Variants in LBX2 observed in about 807,000 individuals in gnomAD.
The protein encoded by LBX2 is ladybird homeobox 2.
Under a neutral mutation model 7.5 loss-of-function variants are expected in LBX2, and 6 were observed. That is an observed-to-expected ratio of 0.80 (90% CI 0.44 to 1.59). The LOEUF is 1.59. LBX2 is among the 40% of genes most tolerant of loss of function. The pLI is 0.01. For synonymous variants in LBX2, 143 were observed against 133.2 expected (o/e 1.07, Z -0.51); for missense variants, 281 against 282.0 (o/e 1.00, Z 0.03).
At chr2:74,502,453 G>A (rs1674504462), upstream of LBX2, 1 of 587,114 alleles carries the variant, frequency 1.7e-6, no homozygotes, top group Admixed American at 3.1e-5. This position sits in a 1 kb window ranked among gnomAD's most constrained non-coding sequence, Gnocchi z 5.4. Context: ...AGGTGGACAA[G>A]GACAATCTCA....
chr2:74,498,019 C>G lies in LBX2; in HGVS notation c.505G>C (p.Glu169Gln), dbSNP rs905548989. Residue 169 changes from glutamate (E) to glutamine (Q), a missense_variant, in exon 2 of 2, where the codon GAA (glutamate) becomes CAA (glutamine). Glu to Gln is a conservative substitution (Grantham distance 29). Transcript: ENST00000377566. Reference protein sequence around the residue: ...PEVLCSLALPEGAPDPGLCLG... With the variant: ...PEVLCSLALPQGAPDPGLCLG... ...CAGAGGCCGGGATCTGGAGCGCCTT[C>G]GGGCAGTGCTAAGCTGCACAGGACT... The G allele has an allele frequency of 2.0e-5, 33 of 1,612,398 alleles. No individual in the cohort carries two copies. Among genetic ancestry groups the G allele is most frequent in the African/African-American group, 2.7e-5 (2 of 74,934 alleles).
Position 74,498,143 on chromosome 2 carries a change from C to G in LBX2, c.381G>C (p.Ala127=). ...GGTTCTGGAACCAAGTGACCACCTG[C>G]GCGTTGGCCAGGCCGAGTCGCGTAG... The part of the protein sequence containing the change: ...GLATRLGLAN[A]QVVTWFQNRR... The change falls in exon 2 of 2, where the codon GCG becomes GCC. Residue 127 remains alanine (A), a synonymous_variant. Coordinates refer to ENST00000377566, the MANE Select transcript of LBX2 (RefSeq NM_001282430.2). 1.2e-6 allele frequency: 2 copies of G among 1,611,840 alleles called. No homozygotes were observed. The highest frequency in any genetic ancestry group is 8.5e-7 in the Non-Finnish European group (1 of 1,178,770).
Position 74,497,707 on chromosome 2 carries a change from G to A in LBX2, c.*220C>T. ...CAGGAGGTCGCGACTGCAGTGAGCG[G>A]TGATCGCTCCACGGCACTCCAGCCT... On this transcript the variant is annotated 3_prime_UTR_variant, in exon 2 of 2. Transcript: ENST00000377566. 5.9e-6 allele frequency: 3 copies of A among 510,860 alleles called. No homozygotes were observed. Among genetic ancestry groups the A allele is most frequent in the Non-Finnish European group, 1.0e-5 (3 of 299,320 alleles). 31.6% of individuals were successfully genotyped at this position (510,860 alleles called of 1,614,324 possible).
upstream of LBX2, chr2:74,502,587 C>A: frequency 7.0e-7 from 1 of 1,436,360 alleles, no homozygotes; most frequent in Non-Finnish European, 9.7e-7. The surrounding 1 kb of genome is among the most constrained non-coding windows in gnomAD (Gnocchi z 5.4). Flanking sequence ...TCCGTCCGTC[C>A]CGCACACTTC....
chr2:74,498,468 A>T (rs968974261), intron 1 of LBX2, 150 bp from the exon 2 acceptor site: 31 of 678,482 alleles, frequency 4.6e-5, no homozygotes, highest in Admixed American at 1.3e-4. Context: ...GTGATCCCTT[A>T]TCGGGAGTCA....
At chr2:74,499,644 C>G (rs957793826), upstream of LBX2, 2 of 1,241,914 alleles carry the variant, frequency 1.6e-6, no homozygotes, top group Admixed American at 2.5e-5. This position sits in a 1 kb window ranked among gnomAD's most constrained non-coding sequence, Gnocchi z 4.6. Flanking sequence ...GGACCCGCCC[C>G]CGGCTCTGGG....
rs1674381538 is a variant in LBX2, at chr2:74,497,691, G to C, written c.*236C>G. ...GAGGATCGCTTGAGCCCAGGAGGTC[G>C]CGACTGCAGTGAGCGGTGATCGCTC... On this transcript the variant is annotated 3_prime_UTR_variant, in exon 2 of 2. Coordinates refer to ENST00000377566, the MANE Select transcript of LBX2 (RefSeq NM_001282430.2). The C allele has an allele frequency of 2.3e-6, 1 of 426,796 alleles. No individual in the cohort carries two copies. Among genetic ancestry groups the C allele is most frequent in the Non-Finnish European group, 4.1e-6 (1 of 244,890 alleles). The allele number at this position is 426,796 out of a possible 1,614,324, so 26.4% of individuals were successfully genotyped here.
Position 74,499,236 on chromosome 2 carries a change from G to C in LBX2, c.205+97C>G, listed in dbSNP as rs1674432232. On this transcript the variant is annotated intron_variant, in intron 1 of 1. Coordinates refer to ENST00000377566, the MANE Select transcript of LBX2 (RefSeq NM_001282430.2). The surrounding 1 kb of genome is among the most constrained non-coding windows in gnomAD (Gnocchi z 4.6). ...TGAGGACAGGGGAGGATTAGGGTGG[G>C]TGGCCTGGGCTGGGACAAAGGTTTG... is the stretch of plus-strand genomic sequence containing the variant. 3.6e-6 allele frequency: 4 copies of C among 1,105,504 alleles called. No individual in the cohort carries two copies. The highest frequency in any genetic ancestry group is 2.6e-5 in the East Asian group (1 of 38,668). 68.5% of individuals were successfully genotyped at this position (1,105,504 alleles called of 1,614,324 possible).
chr2:74,498,658 T>G, intron 1 of LBX2: 1 of 338,710 alleles, frequency 3.0e-6, no homozygotes, highest in Non-Finnish European at 5.4e-6. Flanking sequence ...CTGAGCAGGC[T>G]ATAAGTTGAG....
rs746128937 is a variant in LBX2 at position 74,498,056 on chromosome 2, C to G, written c.468G>C (p.Ala156=). 1 of 1,613,570 alleles carries G rather than the reference C, an allele frequency of 6.2e-7. No homozygotes were observed. Among genetic ancestry groups the G allele is most frequent in the African/African-American group, 1.3e-5 (1 of 75,072 alleles). The change falls in exon 2 of 2, where the codon GCG becomes GCC. Residue 156 remains alanine (A), a synonymous_variant. Transcript: ENST00000377566. ...AGCTGCACAGGACTTCCGGGGACAA[C>G]GCGCGTAGCGAGGCGACGTCGGCGC... is the stretch of plus-strand genomic sequence containing the variant. ...EMRADVASLR[A]LSPEVLCSLA...
At chr2:74,503,125 G>C, upstream of LBX2, 3 of 429,646 alleles carry the variant, frequency 7.0e-6, no homozygotes, top group Non-Finnish European at 1.2e-5. This position sits in a 1 kb window ranked among gnomAD's most constrained non-coding sequence, Gnocchi z 5.1. Flanking sequence ...GGAGCGCCGC[G>C]CCGCGTCCGG....
Position 74,499,261 on chromosome 2 carries a change from G to C in LBX2, c.205+72C>G. On this transcript the variant is annotated intron_variant, in intron 1 of 1. Transcript: ENST00000377566. The surrounding 1 kb of genome is among the most constrained non-coding windows in gnomAD (Gnocchi z 4.6). ...GTGGCCTGGGCTGGGACAAAGGTTTGAGACGGGGAACCAGGAGGAGAGAGG... is the reference window on the plus strand; with the variant it reads ...GTGGCCTGGGCTGGGACAAAGGTTTCAGACGGGGAACCAGGAGGAGAGAGG... The C allele has an allele frequency of 7.3e-7, 1 of 1,373,938 alleles. No homozygotes were observed. Among genetic ancestry groups the C allele is most frequent in the Non-Finnish European group, 1.0e-6 (1 of 989,998 alleles). 85.1% of individuals were successfully genotyped at this position (1,373,938 alleles called of 1,614,324 possible). A position where few individuals can be genotyped will look rare whatever the true frequency, so the allele number is the denominator to read the frequency against.
Position 74,497,932 on chromosome 2 carries a change from C to G in LBX2, c.592G>C (p.Asp198His), listed in dbSNP as rs1298169710. ...HLSDEEIQVD[D>H] ...GATTGGCGGCGGCTTTGTCTTCAAT[C>G]GTCCACCTGTATCTCCTCGTCTGAC... The change falls in exon 2 of 2, where the codon GAT (aspartate) becomes CAT (histidine). Residue 198 changes from aspartate (D) to histidine (H), a missense_variant. Transcript: ENST00000377566. 3 of 1,559,954 alleles carry G rather than the reference C, an allele frequency of 1.9e-6. No individual in the cohort carries two copies. Among genetic ancestry groups the G allele is most frequent in the Admixed American group, 3.8e-5 (2 of 52,170 alleles).
chr2:74,498,075 T>C lies in LBX2; in HGVS notation c.449A>G (p.Asp150Gly). 1 of 1,613,424 alleles carries C rather than the reference T, an allele frequency of 6.2e-7. No individual in the cohort carries two copies. Among genetic ancestry groups the C allele is most frequent in the Non-Finnish European group, 8.5e-7 (1 of 1,179,796 alleles). The change falls in exon 2 of 2, where the codon GAC becomes GGC. Residue 150 changes from aspartate (D) to glycine (G), a missense_variant. Asp to Gly is a moderately conservative substitution (Grantham distance 94). Coordinates refer to ENST00000377566, the MANE Select transcript of LBX2 (RefSeq NM_001282430.2). ...GGACAACGCGCGTAGCGAGGCGACG[T>C]CGGCGCGCATCTCCTCCACATCGCG... ...LKRDVEEMRA[D>G]VASLRALSPE...
upstream of LBX2, among the ~76,000 whole-genome samples, chr2:74,499,997 T>C (rs1219121620): frequency 1.3e-5 from 2 of 152,210 alleles, no homozygotes; most frequent in Non-Finnish European, 2.9e-5. The surrounding 1 kb of genome is among the most constrained non-coding windows in gnomAD (Gnocchi z 4.6). Context: ...CTATCAGGGC[T>C]GACTGTGCTG....
upstream of LBX2, chr2:74,499,619 CG>C: frequency 6.3e-6 from 9 of 1,429,426 alleles, no homozygotes; most frequent in South Asian, 1.1e-4. This position sits in a 1 kb window ranked among gnomAD's most constrained non-coding sequence, Gnocchi z 4.6. Context: ...GCTCCCAATC[CG>C]GGCCCCCAGC....
chr2:74,502,821 C>T (rs1263745855), upstream of LBX2: 2 of 1,613,110 alleles, frequency 1.2e-6, no homozygotes, highest in Non-Finnish European at 1.7e-6. This position sits in a 1 kb window ranked among gnomAD's most constrained non-coding sequence, Gnocchi z 5.4. Flanking sequence ...CTCCCCCCAA[C>T]TCCCCAAGAC....
At position 74,498,631 on chromosome 2, in the gene LBX2, C is replaced by A. The variant is rs1674413774; in HGVS notation, c.206-313G>T. ...ACCTTCTGGGGTGGAGCCTTTGAGG[C>A]TTTTAGGAGCCTCAGGCTGAGCAGG... On this transcript the variant is annotated intron_variant, in intron 1 of 1. Transcript: ENST00000377566. 1.5e-5 allele frequency: 6 copies of A among 401,326 alleles called. No homozygotes were observed. In the Admixed American group the frequency reaches 2.1e-4, roughly 14 times the overall value. 24.9% of individuals were successfully genotyped at this position (401,326 alleles called of 1,614,324 possible).
Position 74,499,516 on chromosome 2 carries a change from G to A in LBX2, c.22C>T (p.Arg8Ter). Reference protein sequence around the residue: MNSGREPRTPRTLLSIAD... With the variant: MNSGREP ...ATGCTTAAGAGTGTCCGGGGTGTTC[G>A]GGGCTCGCGTCCCGAGTTCATGGTC... The change falls in exon 1 of 2, where the codon CGA (arginine) becomes TGA (stop). Residue 8 changes from arginine (R) to a stop codon, truncating the protein, a stop_gained. Transcript: ENST00000377566. LOFTEE classifies it high-confidence loss of function. This position sits in a 1 kb window ranked among gnomAD's most constrained non-coding sequence, Gnocchi z 4.6. 6.5e-7 allele frequency: 1 copy of A among 1,548,986 alleles called. No homozygotes were observed.
Sources: allele counts gnomAD v4.1 joint callset (sites outside exome capture counted in the v4.1 genomes callset), GRCh38; gene constraint gnomAD v4.1.1; non-coding constraint Gnocchi (gnomAD v3.1); transcripts MANE v1.5; gene names NCBI Gene and HGNC (gene_info 2026-07-23, HGNC 2026-07-21).